Variants in GLT8D2 observed in about 807,000 individuals in gnomAD.
The protein encoded by GLT8D2 is glycosyltransferase 8 domain containing 2.
In GLT8D2, 45 loss-of-function variants were observed where a neutral mutation model predicts 44.5. That is an observed-to-expected ratio of 1.01 (90% confidence interval 0.80 to 1.30). The LOEUF (loss-of-function observed/expected upper bound fraction) is 1.30, where lower values mean the gene tolerates loss of function less well. GLT8D2 is among the 50% of genes most tolerant of loss of function. GLT8D2 has a pLI of 0.00. For synonymous variants in GLT8D2, 156 were observed against 157.2 expected (o/e 0.99, Z 0.06); for missense variants, 400 against 430.4 (o/e 0.93, Z 0.62).
In GLT8D2 at chr12:103,991,663, C is replaced by A. The variant is rs149398255; in HGVS notation, c.880+1729G>T. Among the ~76,000 whole-genome samples the A allele has an allele frequency of 2.2e-3, 341 of 152,128 alleles. 2 individuals are homozygous for A. The highest frequency in any genetic ancestry group is 1.9e-3 in the East Asian group (10 of 5,190). ...ATATTTGACCTAATGTTGAACCCAA[C>A]ATGACTATAAATCAAATCAGACACA... On this transcript the variant is annotated intron_variant, in intron 10 of 10. Coordinates refer to ENST00000360814, the MANE Select transcript of GLT8D2 (RefSeq NM_001384711.1).
intron 1 of GLT8D2, among the ~76,000 whole-genome samples, chr12:104,040,419 G>A (rs1197716356): frequency 2.7e-5 from 4 of 150,260 alleles, no homozygotes. Context: ...ACAACAAATT[G>A]AAAAAAAAAT....
chr12:104,038,200 CA>C, intron 1 of GLT8D2, among the ~76,000 whole-genome samples: 1 of 152,250 alleles, frequency 6.6e-6, no homozygotes, highest in East Asian at 1.9e-4. Context: ...ACTGAATGGG[CA>C]AAAACTGAAA....
upstream of GLT8D2, among the ~76,000 whole-genome samples, chr12:104,050,546 G>A (rs537931211): frequency 6.6e-6 from 1 of 152,264 alleles, no homozygotes; most frequent in South Asian, 2.1e-4. Context: ...AGGATGGAGT[G>A]TTTTTGTGCC....
Position 104,034,128 on chromosome 12 carries a change from G to A in GLT8D2, c.-163-12637C>T, listed in dbSNP as rs757135295. On this transcript the variant is annotated intron_variant, in intron 1 of 10. Transcript: ENST00000360814. ...TTAATTATTCAGACAATATTTACAA[G>A]AACATGCTTACTTCCTTAAAAATTA... Among the ~76,000 whole-genome samples the A allele has an allele frequency of 6.6e-5, 10 of 152,236 alleles. 1 individual carries two copies. In the East Asian group the frequency reaches 1.5e-3, roughly 23 times the overall value.
intron 1 of GLT8D2, among the ~76,000 whole-genome samples, chr12:104,060,347 G>A (rs979735545): frequency 2.0e-5 from 3 of 152,120 alleles, no homozygotes; most frequent in Non-Finnish European, 4.4e-5. Context: ...CATTCTTGAA[G>A]TTTCAGAGAT....
intron 1 of GLT8D2, among the ~76,000 whole-genome samples, chr12:104,024,963 G>A (rs932115142): frequency 2.0e-4 from 30 of 151,382 alleles, no homozygotes; most frequent in African/African-American, 6.8e-4. Flanking sequence ...CCAGCTACTC[G>A]GGAGGCTGAG....
At chr12:104,027,617 C>T (rs1878739045) in intron 1 of GLT8D2, among the ~76,000 whole-genome samples, 1 of 152,212 alleles carries the variant, frequency 6.6e-6, no homozygotes, top group Non-Finnish European at 1.5e-5. Context: ...AGATAATAAT[C>T]ATAGCTATCA....
At position 103,996,674 on chromosome 12, in the gene GLT8D2, G is replaced by T. The variant is rs111374835; in HGVS notation, c.600+61C>A. The T allele has an allele frequency of 3.7e-4, 429 of 1,172,258 alleles. 2 individuals are homozygous for T. The African/African-American group carries it at 5.6e-3, about 15-fold the overall frequency. 72.6% of individuals were successfully genotyped at this position (1,172,258 alleles called of 1,614,324 possible). On this transcript the variant is annotated intron_variant, in intron 8 of 10. Coordinates refer to ENST00000360814, the MANE Select transcript of GLT8D2 (RefSeq NM_001384711.1). ...GTTACACTCATTTTGACTTGCAGAG[G>T]GGGGAGAAGGGGCCAGAGTTGTAGA...
In GLT8D2 at chr12:104,002,780, C is replaced by CA. The variant is rs1369868403; in HGVS notation, c.284+354dup. Among the ~76,000 whole-genome samples the CA allele has an allele frequency of 2.6e-5, 4 of 152,000 alleles. No homozygotes were observed. The South Asian group carries it at 6.2e-4, about 24-fold the overall frequency. Reference sequence around the variant, plus strand: ...GCAACAAAGAGAGACTCGCTCTCCACAAAAAAATTAGAAAATGAGCTGGGT... The same window carrying CA: ...GCAACAAAGAGAGACTCGCTCTCCACAAAAAAAATTAGAAAATGAGCTGGGT... On this transcript the variant is annotated intron_variant, in intron 5 of 10. Transcript: ENST00000360814.
chr12:104,014,189 C>A lies in GLT8D2; in HGVS notation c.112+824G>T, dbSNP rs1176234059. The A allele has an allele frequency of 7.7e-6, 5 of 651,450 alleles. No individual in the cohort carries two copies. The Admixed American group carries it at 1.1e-4, about 15-fold the overall frequency. The allele number at this position is 651,450 out of a possible 1,614,324, so 40.4% of individuals were successfully genotyped here. A position where few individuals can be genotyped will look rare whatever the true frequency, so the allele number is the denominator to read the frequency against. On this transcript the variant is annotated intron_variant, in intron 4 of 10. Coordinates refer to ENST00000360814, the MANE Select transcript of GLT8D2 (RefSeq NM_001384711.1). ...GATGAACCTGAGCAGCATGGCAAAA[C>A]CCATTTCTACAAAAAATTAGCTGGG...
intron 3 of GLT8D2, among the ~76,000 whole-genome samples, chr12:104,016,736 AAAG>A (rs1310558054): frequency 5.4e-5 from 5 of 91,824 alleles, no homozygotes. Flanking sequence ...AGAAAGAAAG[AAAG>A]AAAGAAAGAA....
At chr12:104,055,800 T>C (rs571247027) in intron 1 of GLT8D2, among the ~76,000 whole-genome samples, 1 of 152,346 alleles carries the variant, frequency 6.6e-6, no homozygotes, top group South Asian at 2.1e-4. Flanking sequence ...TCTTCTGTAG[T>C]AGTACATGAA....
chr12:104,050,983 T>C (rs998276692), upstream of GLT8D2, among the ~76,000 whole-genome samples: 3 of 151,872 alleles, frequency 2.0e-5, no homozygotes, highest in Non-Finnish European at 4.4e-5. Flanking sequence ...CCCAGCTAAT[T>C]TTTGTATTTT....
At chr12:103,990,909 A>G (rs920628421) in intron 10 of GLT8D2, among the ~76,000 whole-genome samples, 1 of 152,224 alleles carries the variant, frequency 6.6e-6, no homozygotes, top group Non-Finnish European at 1.5e-5. Flanking sequence ...AGTTTGGGTG[A>G]TGAAATTGCT....
upstream of GLT8D2, among the ~76,000 whole-genome samples, chr12:104,053,703 T>C (rs919709372): frequency 1.2e-4 from 19 of 152,084 alleles, no homozygotes; most frequent in African/African-American, 4.1e-4. Flanking sequence ...GCTAACACAG[T>C]GAAACCCTGT....
intron 1 of GLT8D2, among the ~76,000 whole-genome samples, chr12:104,061,509 A>G (rs145045682): frequency 6.1e-4 from 93 of 152,230 alleles, no homozygotes; most frequent in Middle Eastern, 3.4e-3. Flanking sequence ...CTTTATTCCA[A>G]CTCTTCCAGT....
At chr12:104,000,783 A>T (rs1450568772) in intron 5 of GLT8D2, among the ~76,000 whole-genome samples, 1 of 152,164 alleles carries the variant, frequency 6.6e-6, no homozygotes, top group Non-Finnish European at 1.5e-5. Flanking sequence ...TGATAAGGAG[A>T]GTGAGAAATG....
chr12:103,998,692 G>A (rs939262035), intron 6 of GLT8D2, among the ~76,000 whole-genome samples: 3 of 152,166 alleles, frequency 2.0e-5, no homozygotes, highest in African/African-American at 7.2e-5. Context: ...ACAGGCATGA[G>A]CAACCACGCT....
intron 6 of GLT8D2, 57 bp downstream of exon 6, chr12:103,999,340 T>A: frequency 1.1e-6 from 1 of 944,900 alleles, no homozygotes; most frequent in Non-Finnish European, 1.7e-6. Flanking sequence ...AGCACTCCTT[T>A]ACTGAACAAA....
Sources: allele counts gnomAD v4.1 joint callset (sites outside exome capture counted in the v4.1 genomes callset), GRCh38; gene constraint gnomAD v4.1.1; transcripts MANE v1.5; gene names NCBI Gene and HGNC (gene_info 2026-07-23, HGNC 2026-07-21).